The following MPHOSPH9 variants were observed in gnomAD, a reference collection of about 807,000 sequenced individuals.
MPHOSPH9 encodes M-phase phosphoprotein 9.
In MPHOSPH9, 88 loss-of-function variants were observed where a neutral mutation model predicts 145.5. That is an observed-to-expected ratio of 0.60 (90% CI 0.51 to 0.72). The LOEUF is 0.72. Ranked by LOEUF, MPHOSPH9 falls within the 30% of genes least tolerant of loss-of-function variation. The pLI is 0.00. For missense variants in MPHOSPH9, 1,238 were observed against 1,386.6 expected, an observed-to-expected ratio of 0.89 and a Z score of 1.70; for synonymous variants, 435 against 486.2, an observed-to-expected ratio of 0.89 and a Z score of 1.39.
intron 2 of MPHOSPH9, among the ~76,000 whole-genome samples, chr12:123,229,006 C>T (rs556533274): frequency 1.3e-5 from 2 of 152,286 alleles, no homozygotes; most frequent in East Asian, 3.9e-4. Context: ...TTCCTTTTCT[C>T]GTTTTATTTC....
chr12:123,213,590 T>C (rs1005782513), intron 7 of MPHOSPH9, among the ~76,000 whole-genome samples: 6 of 152,156 alleles, frequency 3.9e-5, no homozygotes, highest in African/African-American at 1.4e-4. Context: ...CCTCATACCT[T>C]GGACTCTCAA....
At chr12:123,228,299 T>G (rs1281585914) in intron 2 of MPHOSPH9, among the ~76,000 whole-genome samples, 1 of 152,196 alleles carries the variant, frequency 6.6e-6, no homozygotes, top group Non-Finnish European at 1.5e-5. Context: ...ATTTATTTAC[T>G]GCTTGATATC....
At chr12:123,177,643 A>G (rs1432822157) in intron 15 of MPHOSPH9, among the ~76,000 whole-genome samples, 2 of 152,200 alleles carry the variant, frequency 1.3e-5, no homozygotes, top group African/African-American at 4.8e-5. Flanking sequence ...ACTGAATAAA[A>G]AGGGAACAAA....
Position 123,203,387 on chromosome 12 carries a change from G to A in MPHOSPH9, c.1195-12C>T, listed in dbSNP as rs773239982. 17 of 1,565,612 alleles carry A rather than the reference G, an allele frequency of 1.1e-5. No homozygotes were observed. Among genetic ancestry groups the A allele is most frequent in the South Asian group, 4.7e-5 (4 of 85,030 alleles). On this transcript the variant is annotated splice_polypyrimidine_tract_variant and intron_variant, in intron 8 of 23. Transcript: ENST00000606320. ...TTACTAGTATTAGACTTAAAGATAC[G>A]AAACAAAATTAAATGGTGTTATCAA...
chr12:123,168,343 T>TTC (rs1229189052), intron 16 of MPHOSPH9, among the ~76,000 whole-genome samples: 17 of 136,902 alleles, frequency 1.2e-4, no homozygotes, highest in Non-Finnish European at 1.9e-4. Flanking sequence ...ATGACTTTCT[T>TTC]TTTTTTTTTT....
chr12:123,185,117 ATG>A lies in MPHOSPH9; in HGVS notation c.2242-3909_2242-3908del, dbSNP rs1468326388. 2.0e-5 allele frequency among the ~76,000 whole-genome samples: 3 copies of A among 152,034 alleles called. No homozygotes were observed. In the East Asian group the frequency reaches 5.8e-4, roughly 29 times the overall value. ...CCACACCCAGCCTAGTGCCTCTTAA[ATG>A]TGAGCCTGCAAAAGAACCAACACTT... is the stretch of plus-strand genomic sequence containing the variant. On this transcript the variant is annotated intron_variant, in intron 13 of 23. Transcript: ENST00000606320.
intron 13 of MPHOSPH9, among the ~76,000 whole-genome samples, chr12:123,185,770 A>G (rs1293451597): frequency 1.3e-5 from 2 of 152,090 alleles, no homozygotes; most frequent in African/African-American, 4.8e-5. Flanking sequence ...AATAAATGCA[A>G]TGTGTGATCC....
intron 13 of MPHOSPH9, 76 bp from the exon 14 acceptor site, chr12:123,181,286 T>C: frequency 8.0e-7 from 1 of 1,253,932 alleles, no homozygotes; most frequent in Non-Finnish European, 1.2e-6. Flanking sequence ...GTCTACAAAA[T>C]AACTGCCTAT....
chr12:123,212,537 A>C (rs796656080), intron 7 of MPHOSPH9, among the ~76,000 whole-genome samples: 1 of 151,846 alleles, frequency 6.6e-6, no homozygotes, highest in Non-Finnish European at 1.5e-5. Context: ...GAAAAACTCT[A>C]TCTCTACTAA....
At chr12:123,189,723 A>G (rs1051367598) in intron 13 of MPHOSPH9, among the ~76,000 whole-genome samples, 2 of 152,012 alleles carry the variant, frequency 1.3e-5, no homozygotes, top group African/African-American at 4.8e-5. Context: ...TCACGAGGTC[A>G]GGAGATCGAG....
intron 21 of MPHOSPH9, 120 bp from the exon 22 acceptor site, chr12:123,161,503 G>T: frequency 9.9e-7 from 1 of 1,006,310 alleles, no homozygotes; most frequent in Non-Finnish European, 1.5e-6. Flanking sequence ...GCCCAAAAAA[G>T]TAATGAAAAG....
chr12:123,163,796 G>A, intron 19 of MPHOSPH9, 154 bp downstream of exon 19: 1 of 718,320 alleles, frequency 1.4e-6, no homozygotes. Flanking sequence ...TTTTATTTAT[G>A]AACAAGATCT....
chr12:123,225,901 T>C (rs1313775762), intron 3 of MPHOSPH9, among the ~76,000 whole-genome samples: 2 of 152,164 alleles, frequency 1.3e-5, no homozygotes, highest in South Asian at 2.1e-4. Context: ...CTGGGCATGG[T>C]GGCGCTCGCC....
chr12:123,176,593 C>T, intron 16 of MPHOSPH9, 95 bp downstream of exon 16: 1 of 905,180 alleles, frequency 1.1e-6, no homozygotes. Flanking sequence ...GACATTTAAC[C>T]CGGACTTTCT....
At chr12:123,169,045 C>T (rs2851437) in intron 16 of MPHOSPH9, among the ~76,000 whole-genome samples, 1 of 151,482 alleles carries the variant, frequency 6.6e-6, no homozygotes, top group Non-Finnish European at 1.5e-5. Context: ...CCACCACGCC[C>T]GGCTAATTTT....
At chr12:123,183,400 T>G (rs2045282934) in intron 13 of MPHOSPH9, among the ~76,000 whole-genome samples, 1 of 151,368 alleles carries the variant, frequency 6.6e-6, no homozygotes, top group African/African-American at 2.4e-5. Context: ...ATACAAAAAT[T>G]AGTCAGGTGT....
downstream of MPHOSPH9, chr12:123,152,980 T>A (rs2043804281): frequency 6.3e-6 from 1 of 159,278 alleles, no homozygotes; most frequent in African/African-American, 2.4e-5. Flanking sequence ...TTACTACATA[T>A]GTAGGTGCAG....
downstream of MPHOSPH9, among the ~76,000 whole-genome samples, chr12:123,153,914 T>C (rs1044494648): frequency 6.6e-6 from 1 of 152,210 alleles, no homozygotes. Flanking sequence ...TTTCATCTTA[T>C]AGCTGAGAAA....
In MPHOSPH9 at chr12:123,199,991, A is replaced by G. The variant is rs117497930; in HGVS notation, c.1938-1657T>C. ...ACAGACATGAAATACTGATGAGACT[A>G]TTCTTGAAAAAAAATCACTCAAATA... On this transcript the variant is annotated intron_variant, in intron 11 of 23. Coordinates refer to ENST00000606320, the MANE Select transcript of MPHOSPH9 (RefSeq NM_022782.4). Among the ~76,000 whole-genome samples the G allele has an allele frequency of 1.1e-3, 163 of 152,190 alleles. 2 individuals are homozygous for G. The East Asian group carries it at 0.028, about 26-fold the overall frequency.
Sources: allele counts gnomAD v4.1 joint callset (sites outside exome capture counted in the v4.1 genomes callset), GRCh38; gene constraint gnomAD v4.1.1; transcripts MANE v1.5; gene names NCBI Gene and HGNC (gene_info 2026-07-23, HGNC 2026-07-21).